CCL18: variants seen among roughly 807,000 people sequenced by gnomAD.
The protein encoded by CCL18 is C-C motif chemokine 18.
Under a neutral mutation model 8.0 loss-of-function variants are expected in CCL18, and 7 were observed. The observed-to-expected ratio is 0.87, with a 90% CI of 0.50 to 1.64. The LOEUF (loss-of-function observed/expected upper bound fraction) is 1.64, where lower values mean the gene tolerates loss of function less well. CCL18 is among the 40% of genes most tolerant of loss of function. CCL18 has a pLI of 0.00. For synonymous variants in CCL18, 35 were observed against 41.3 expected, an observed-to-expected ratio of 0.85 and a Z score of 0.59; for missense variants, 95 against 107.8, an observed-to-expected ratio of 0.88 and a Z score of 0.52.
At chr17:36,067,730 G>C (rs2066844952) in intron 1 of CCL18, among the ~76,000 whole-genome samples, 1 of 152,050 alleles carries the variant, frequency 6.6e-6, no homozygotes, top group Non-Finnish European at 1.5e-5. Context: ...TGTTACAGTA[G>C]TGCATGACAA....
At chr17:36,069,094 A>C (rs548480212) in intron 1 of CCL18, among the ~76,000 whole-genome samples, 1 of 152,112 alleles carries the variant, frequency 6.6e-6, no homozygotes, top group Admixed American at 6.5e-5. Flanking sequence ...GCTTCAAGCA[A>C]TCCTCCCACC....
Position 36,070,505 on chromosome 17 carries a change from G to A in CCL18, c.126G>A (p.Lys42=), listed in dbSNP as rs201008180. 3.2e-5 allele frequency: 51 copies of A among 1,614,090 alleles called. 1 individual carries two copies. In the Admixed American group the frequency reaches 6.7e-4, roughly 21 times the overall value. ...ATACCTCCTGGCAGATTCCACAAAAGTTCATAGTTGACTATTCTGAAACCA... is the reference window on the plus strand; with the variant it reads ...ATACCTCCTGGCAGATTCCACAAAAATTCATAGTTGACTATTCTGAAACCA... ...LVYTSWQIPQ[K]FIVDYSETSP... is the part of the protein sequence containing the mutation. Residue 42 remains lysine (K), a synonymous_variant, in exon 2 of 3, where the codon AAG becomes AAA. Coordinates refer to ENST00000616054, the MANE Select transcript of CCL18 (RefSeq NM_002988.4).
At position 36,064,333 on chromosome 17, in the gene CCL18, G is replaced by A. The variant is rs774457234; in HGVS notation, c.-10G>A. 7 of 1,613,332 alleles carry A rather than the reference G, an allele frequency of 4.3e-6. No homozygotes were observed. Among genetic ancestry groups the A allele is most frequent in the Non-Finnish European group, 5.9e-6 (7 of 1,179,310 alleles). On this transcript the variant is annotated 5_prime_UTR_variant, in exon 1 of 3. Transcript: ENST00000616054. ...GCTCACTCTGACCACTTCTCTGCCT[G>A]CCCAGCATCATGAAGGGCCTTGCAG...
intron 2 of CCL18, among the ~76,000 whole-genome samples, 181 bp from the exon 3 acceptor site, chr17:36,070,770 T>G (rs997287235): frequency 1.3e-5 from 2 of 152,118 alleles, no homozygotes; most frequent in South Asian, 2.1e-4. Flanking sequence ...CAACAGGAAG[T>G]TTGCTTCCTG....
chr17:36,069,741 C>T (rs1003950736), intron 1 of CCL18, among the ~76,000 whole-genome samples: 4 of 152,178 alleles, frequency 2.6e-5, no homozygotes, highest in East Asian at 3.8e-4. Flanking sequence ...GCCATGGGAG[C>T]TCACACTCTG....
rs1170285467 is a variant in CCL18 at position 36,071,538 on chromosome 17, G to A, written c.*497G>A. 6.5e-6 allele frequency: 1 copy of A among 154,478 alleles called. No individual in the cohort carries two copies. The highest frequency in any genetic ancestry group is 2.4e-5 in the African/African-American group (1 of 41,460). The allele number at this position is 154,478 out of a possible 1,614,324, so 9.6% of individuals were successfully genotyped here. A position where few individuals can be genotyped will look rare whatever the true frequency, so the allele number is the denominator to read the frequency against. On this transcript the variant is annotated 3_prime_UTR_variant, in exon 3 of 3. Transcript: ENST00000616054. ...ATCACAGACTGAGAGGAATTCTGGGGGAGGAGTAGGGAAATATGAAAAGGG... is the reference window on the plus strand; with the variant it reads ...ATCACAGACTGAGAGGAATTCTGGGAGAGGAGTAGGGAAATATGAAAAGGG...
At chr17:36,064,519 G>A in intron 1 of CCL18, 110 bp downstream of exon 1, 1 of 784,042 alleles carries the variant, frequency 1.3e-6, no homozygotes, top group Non-Finnish European at 2.2e-6. Context: ...TCCTCAAATG[G>A]GGTTTCAAAG....
chr17:36,065,493 ATGCCCTATT>A (rs1388271043), intron 1 of CCL18, among the ~76,000 whole-genome samples: 37 of 152,082 alleles, frequency 2.4e-4, no homozygotes, highest in Admixed American at 7.2e-4. Flanking sequence ...TCTCCTCCAT[ATGCCCTATT>A]TGCAGACAGA....
At chr17:36,065,648 C>A (rs561437923) in intron 1 of CCL18, among the ~76,000 whole-genome samples, 1 of 152,244 alleles carries the variant, frequency 6.6e-6, no homozygotes, top group South Asian at 2.1e-4. Flanking sequence ...GCATCCAGAA[C>A]CTGAGAAAAA....
intron 2 of CCL18, 107 bp downstream of exon 2, chr17:36,070,665 C>T (rs575352029): frequency 1.4e-6 from 1 of 714,218 alleles, no homozygotes; most frequent in Non-Finnish European, 2.4e-6. Context: ...GTAAAGGACT[C>T]CAGGGGAGGC....
intron 1 of CCL18, among the ~76,000 whole-genome samples, chr17:36,067,602 G>A (rs931013996): frequency 1.3e-5 from 2 of 152,024 alleles, no homozygotes; most frequent in African/African-American, 2.4e-5. Context: ...TAGGAGAATC[G>A]CTTGAACCTG....
At chr17:36,065,560 G>A (rs1358967209) in intron 1 of CCL18, among the ~76,000 whole-genome samples, 1 of 152,200 alleles carries the variant, frequency 6.6e-6, no homozygotes, top group East Asian at 1.9e-4. Context: ...AGCTGCTGGA[G>A]TCAGCAAATT....
intron 1 of CCL18, among the ~76,000 whole-genome samples, chr17:36,066,073 A>G (rs2066835567): frequency 2.0e-5 from 3 of 152,200 alleles, no homozygotes; most frequent in African/African-American, 7.2e-5. Flanking sequence ...CCCAACTAAC[A>G]ATGGGTCCTA....
intron 2 of CCL18, 47 bp downstream of exon 2, chr17:36,070,605 G>A (rs146886736): frequency 1.6e-6 from 2 of 1,228,076 alleles, no homozygotes; most frequent in Admixed American, 1.7e-5. Flanking sequence ...AGGATGGGAG[G>A]TTTGGGGTGA....
At chr17:36,065,778 C>T (rs923741578) in intron 1 of CCL18, among the ~76,000 whole-genome samples, 1 of 152,200 alleles carries the variant, frequency 6.6e-6, no homozygotes, top group Non-Finnish European at 1.5e-5. Context: ...TCATCCTTGA[C>T]TTTGAGTGTT....
intron 1 of CCL18, among the ~76,000 whole-genome samples, chr17:36,067,983 G>A (rs143051420): frequency 6.6e-6 from 1 of 152,282 alleles, no homozygotes; most frequent in East Asian, 1.9e-4. Flanking sequence ...GTTGCCTACA[G>A]TATTCAGTAC....
Position 36,071,586 on chromosome 17 carries a change from C to G in CCL18, c.*545C>G, listed in dbSNP as rs2066867149. On this transcript the variant is annotated 3_prime_UTR_variant, in exon 3 of 3. Transcript: ENST00000616054. ...GGGGCAGAAACAGCAAGATAGGGAC[C>G]AAGTACTTCTACAGTCATACCAGAC... The G allele has an allele frequency of 6.5e-6, 1 of 153,356 alleles. No homozygotes were observed. The highest frequency in any genetic ancestry group is 2.4e-5 in the African/African-American group (1 of 41,436). The allele number at this position is 153,356 out of a possible 1,614,324, so 9.5% of individuals were successfully genotyped here.
chr17:36,068,396 G>A (rs1194827065), intron 1 of CCL18, among the ~76,000 whole-genome samples: 1 of 150,906 alleles, frequency 6.6e-6, no homozygotes, highest in Non-Finnish European at 1.5e-5. Flanking sequence ...TTTTTTTTCA[G>A]GTTTTGCATC....
At chr17:36,068,280 T>A (rs1310599851) in intron 1 of CCL18, among the ~76,000 whole-genome samples, 2 of 151,872 alleles carry the variant, frequency 1.3e-5, no homozygotes, top group Non-Finnish European at 2.9e-5. Flanking sequence ...AGTACTATCA[T>A]AAGCCTAGAA....
Sources: gnomAD v4.1 joint callset for allele counts (sites outside exome capture counted in the v4.1 genomes callset) on GRCh38, gnomAD v4.1.1 for gene constraint, MANE v1.5 for transcripts, NCBI Gene and HGNC (gene_info 2026-07-23, HGNC 2026-07-21) for gene names.